Variants in ARHGAP42 observed in about 807,000 individuals in gnomAD.
The protein encoded by ARHGAP42 is rho GTPase-activating protein 42.
In ARHGAP42, 63 loss-of-function variants were observed where a neutral mutation model predicts 125.0. The ratio of observed to expected loss-of-function variants is 0.50; its 90% confidence interval spans 0.41 to 0.62. The LOEUF is 0.62. Among genes scored for constraint, ARHGAP42 ranks in the 20% least tolerant of loss-of-function variants. The pLI, the probability that ARHGAP42 is intolerant of heterozygous loss-of-function variation, is 0.00. For synonymous variants in ARHGAP42, 339 were observed against 351.0 expected (o/e 0.97, Z 0.38); for missense variants, 766 against 1,024.2 (o/e 0.75, Z 3.44).
intron 5 of ARHGAP42, among the ~76,000 whole-genome samples, chr11:100,921,241 ATATATTTT>A (rs1867254631): frequency 4.0e-5 from 1 of 25,112 alleles, no homozygotes; most frequent in Non-Finnish European, 6.9e-5. Flanking sequence ...ATATATATAT[ATATATTTT>A]TTTTTTTTTT....
In ARHGAP42 at chr11:100,987,555, T is replaced by A. The variant is rs1344002026; in HGVS notation, c.2499T>A (p.His833Gln). Reference protein sequence around the residue: ...AMYSCKAEHSHELSFPQGAIF... With the variant: ...AMYSCKAEHSQELSFPQGAIF... ...ACTCCTGTAAAGCAGAGCACAGTCA[T>A]GAGCTTTCCTTCCCACAAGGAGCAA... The change falls in exon 23 of 24, where the codon CAT becomes CAA. Residue 833 changes from histidine (H) to glutamine (Q), a missense_variant. Coordinates refer to ENST00000298815, the MANE Select transcript of ARHGAP42 (RefSeq NM_152432.4). 1.1e-5 allele frequency: 17 copies of A among 1,551,742 alleles called. No homozygotes were observed.
At position 100,962,412 on chromosome 11, in the gene ARHGAP42, C is replaced by G; in HGVS notation, c.1389C>G (p.Cys463Trp). ...GTGTTTCCTTTCTCTGTTGTAGGTG[C>G]CTTGCAGAACCACTGATGACTTACA... The part of the protein sequence containing the change: ...ITSGLKNYLR[C>W]LAEPLMTYKL... The change falls in exon 16 of 24, where the codon TGC becomes TGG. Residue 463 changes from cysteine to tryptophan, a missense_variant. By Grantham distance (215) the Cys-to-Trp change is radical. This residue lies in a region of ARHGAP42 where 455 missense variants were observed against 636.5 expected (regional missense o/e 0.71). Transcript: ENST00000298815. 1 of 1,550,384 alleles carries G rather than the reference C, an allele frequency of 6.5e-7. No individual in the cohort carries two copies. Among genetic ancestry groups the G allele is most frequent in the Middle Eastern group, 1.7e-4 (1 of 5,990 alleles).
chr11:100,871,374 C>T (rs997703547), intron 4 of ARHGAP42, among the ~76,000 whole-genome samples: 7 of 151,444 alleles, frequency 4.6e-5, no homozygotes, highest in Non-Finnish European at 8.8e-5. Context: ...GTGAAACCCC[C>T]ATCTCTACTA....
intron 4 of ARHGAP42, among the ~76,000 whole-genome samples, chr11:100,881,240 T>G (rs900895324): frequency 2.6e-5 from 4 of 152,302 alleles, no homozygotes; most frequent in South Asian, 4.1e-4. Context: ...AAGTCCTTCT[T>G]CCATCTTGAG....
At chr11:100,712,851 G>GC (rs1408584870) in intron 1 of ARHGAP42, among the ~76,000 whole-genome samples, 3 of 152,190 alleles carry the variant, frequency 2.0e-5, no homozygotes, top group Admixed American at 2.0e-4. Flanking sequence ...AACTTCCTTA[G>GC]TTTTTAGTCT....
At chr11:100,873,661 A>G (rs937056213) in intron 4 of ARHGAP42, among the ~76,000 whole-genome samples, 6 of 152,212 alleles carry the variant, frequency 3.9e-5, no homozygotes, top group African/African-American at 1.4e-4. Context: ...TCTGTCAGGC[A>G]GTCTTCTAGA....
intron 2 of ARHGAP42, among the ~76,000 whole-genome samples, chr11:100,792,761 T>TC (rs1489826850): frequency 2.4e-5 from 1 of 40,824 alleles, no homozygotes; most frequent in Non-Finnish European, 7.6e-5. Flanking sequence ...TCTTTTTTTT[T>TC]TTTTTTTTTG....
chr11:100,905,455 A>G (rs1181737869), intron 4 of ARHGAP42, among the ~76,000 whole-genome samples: 1 of 152,202 alleles, frequency 6.6e-6, no homozygotes, highest in African/African-American at 2.4e-5. Flanking sequence ...CTACTACTTC[A>G]AACATATTTC....
chr11:100,976,858 A>G lies in ARHGAP42; in HGVS notation c.2280A>G (p.Val760=). 2.6e-6 allele frequency: 4 copies of G among 1,551,368 alleles called. No homozygotes were observed. The highest frequency in any genetic ancestry group is 1.7e-6 in the Non-Finnish European group (2 of 1,146,842). Residue 760 remains valine, a synonymous_variant, in exon 21 of 24, where the codon GTA becomes GTG. Coordinates refer to ENST00000298815, the MANE Select transcript of ARHGAP42 (RefSeq NM_152432.4). ...YSGSIQSLTS[V]GSKETPKASP... is the part of the protein sequence containing the mutation. ...GATCTATTCAAAGCTTAACTTCTGT[A>G]GGTTCCAAGGAGACACCCAAAGCTT...
chr11:100,776,113 C>T (rs551130305), intron 2 of ARHGAP42, among the ~76,000 whole-genome samples: 4 of 150,708 alleles, frequency 2.7e-5, no homozygotes, highest in East Asian at 3.9e-4. Context: ...GAGCTGAGAT[C>T]GTGCCATTGC....
intron 1 of ARHGAP42, among the ~76,000 whole-genome samples, chr11:100,705,881 T>C (rs942072425): frequency 7.2e-5 from 11 of 152,164 alleles, no homozygotes; most frequent in Admixed American, 5.9e-4. Flanking sequence ...ATGTTTCATA[T>C]TGATGTGAGA....
At position 100,831,513 on chromosome 11, in the gene ARHGAP42, C is replaced by T. The variant is rs1032893311; in HGVS notation, c.313-28041C>T. Among the ~76,000 whole-genome samples, 9 of 152,226 alleles carry T rather than the reference C, an allele frequency of 5.9e-5. No homozygotes were observed. The East Asian group carries it at 1.4e-3, about 23-fold the overall frequency. Reference sequence around the variant, plus strand: ...AGTCAAGAAAATATCCGATGAAACACGTTTATGTTAGTGACTCACCAGTGT... The same window carrying T: ...AGTCAAGAAAATATCCGATGAAACATGTTTATGTTAGTGACTCACCAGTGT... On this transcript the variant is annotated intron_variant, in intron 3 of 23. Transcript: ENST00000298815.
At chr11:100,735,602 CTT>C (rs58522622) in intron 1 of ARHGAP42, among the ~76,000 whole-genome samples, 1,235 of 73,004 alleles carry the variant, frequency 0.017, 13 homozygotes, top group Middle Eastern at 0.094. Context: ...TTTACTTGTA[CTT>C]TTTTTTTTTT....
intron 1 of ARHGAP42, among the ~76,000 whole-genome samples, chr11:100,756,221 A>C (rs972512931): frequency 9.1e-6 from 1 of 110,046 alleles, no homozygotes; most frequent in Non-Finnish European, 1.9e-5. Flanking sequence ...CCTTGTCTCT[A>C]CAAAAAAAAA....
chr11:100,905,323 G>T (rs1460701510), intron 4 of ARHGAP42, among the ~76,000 whole-genome samples: 1 of 152,182 alleles, frequency 6.6e-6, no homozygotes, highest in Non-Finnish European at 1.5e-5. Flanking sequence ...GATGGAGCAA[G>T]GAGCTGGCTT....
At chr11:100,807,221 C>G (rs926577966) in intron 3 of ARHGAP42, among the ~76,000 whole-genome samples, 4 of 141,144 alleles carry the variant, frequency 2.8e-5, no homozygotes, top group African/African-American at 1.1e-4. Flanking sequence ...TTGAGACAGA[C>G]TTTTGCTCTT....
intron 12 of ARHGAP42, among the ~76,000 whole-genome samples, chr11:100,957,680 C>T (rs1038003241): frequency 1.1e-4 from 16 of 152,038 alleles, no homozygotes; most frequent in South Asian, 2.1e-4. Flanking sequence ...ACTCACATGA[C>T]GGGAGCTAAG....
At chr11:100,899,588 A>G (rs1866470416) in intron 4 of ARHGAP42, among the ~76,000 whole-genome samples, 1 of 151,836 alleles carries the variant, frequency 6.6e-6, no homozygotes, top group Admixed American at 6.6e-5. Context: ...TCCCTTTACC[A>G]TTATGTAATG....
At chr11:100,724,611 ATTTC>A (rs1234138445) in intron 1 of ARHGAP42, among the ~76,000 whole-genome samples, 4 of 151,880 alleles carry the variant, frequency 2.6e-5, no homozygotes, top group African/African-American at 9.7e-5. Context: ...TGTTTATAGT[ATTTC>A]TTTATTATCA....
Sources: gnomAD v4.1 joint callset for allele counts (sites outside exome capture counted in the v4.1 genomes callset) on GRCh38, gnomAD v4.1.1 for gene constraint, gnomAD v4.1.1 regional missense constraint, MANE v1.5 for transcripts, NCBI Gene and HGNC (gene_info 2026-07-23, HGNC 2026-07-21) for gene names.